TAB2: variants seen among roughly 807,000 people sequenced by gnomAD.
The protein encoded by TAB2 is TGF-beta-activated kinase 1 and MAP3K7-binding protein 2.
In TAB2, 3 loss-of-function variants were observed where a neutral mutation model predicts 65.0. The ratio of observed to expected loss-of-function variants is 0.05; its 90% confidence interval spans 0.02 to 0.12. TAB2 has a LOEUF of 0.12. TAB2 is among the 10% of genes least tolerant of loss of function. The probability of loss-of-function intolerance (pLI) is 1.00; values close to 1 mark genes in which losing one functional copy is unlikely to be tolerated. For missense variants in TAB2, 623 were observed against 840.3 expected (o/e 0.74, Z 3.20); for synonymous variants, 298 against 285.1 (o/e 1.05, Z -0.46).
At chr6:149,247,207 C>CAA (rs1251438628) in intron 1 of TAB2, 1 of 152,410 alleles carries the variant, frequency 6.6e-6, no homozygotes, top group African/African-American at 2.4e-5. Context: ...GCTCCCACCA[C>CAA]ATCCCTGGTG....
chr6:149,250,608 C>T (rs1386187884), intron 1 of TAB2, among the ~76,000 whole-genome samples: 1 of 152,036 alleles, frequency 6.6e-6, no homozygotes, highest in Non-Finnish European at 1.5e-5. Context: ...GCCCAGCCAA[C>T]CAAACTTTTT....
chr6:149,332,467 CAG>C (rs1163670822), intron 1 of TAB2, among the ~76,000 whole-genome samples: 1 of 152,054 alleles, frequency 6.6e-6, no homozygotes, highest in East Asian at 1.9e-4. Context: ...TGAAATGCAA[CAG>C]AAATTTTGTA....
At chr6:149,367,660 T>C (rs1781084099) in intron 1 of TAB2, among the ~76,000 whole-genome samples, 1 of 152,100 alleles carries the variant, frequency 6.6e-6, no homozygotes, top group African/African-American at 2.4e-5. Flanking sequence ...ATTGAGGCCT[T>C]TGCAGTAGTA....
intron 1 of TAB2, among the ~76,000 whole-genome samples, chr6:149,284,857 G>A (rs1366841598): frequency 6.6e-6 from 1 of 152,052 alleles, no homozygotes. Flanking sequence ...CCTGAGATTG[G>A]TTAAGTTGAA....
chr6:149,254,063 A>AAGGAAGGAAGGG (rs1777942996), intron 1 of TAB2, among the ~76,000 whole-genome samples: 1 of 24,840 alleles, frequency 4.0e-5, no homozygotes, highest in African/African-American at 1.2e-4. Context: ...GAGAGGGAGG[A>AAGGAAGGAAGGG]AGGAAGGAAG....
intron 6 of TAB2, among the ~76,000 whole-genome samples, chr6:149,399,427 C>A (rs1782289792): frequency 6.6e-6 from 1 of 152,050 alleles, no homozygotes; most frequent in African/African-American, 2.4e-5. Flanking sequence ...TATGTACTCC[C>A]AACCAATAAT....
intron 1 of TAB2, among the ~76,000 whole-genome samples, chr6:149,278,154 C>T (rs1313889777): frequency 2.6e-5 from 4 of 152,130 alleles, no homozygotes; most frequent in Non-Finnish European, 1.5e-5. Context: ...AATTCTACAG[C>T]TAGGTTACTA....
intron 1 of TAB2, among the ~76,000 whole-genome samples, chr6:149,254,004 A>AAGAAAGAAAG (rs1777931628): frequency 6.7e-6 from 1 of 148,230 alleles, no homozygotes; most frequent in African/African-American, 2.6e-5. Flanking sequence ...GAAAGAAAGA[A>AAGAAAGAAAG]AGAAAGAAAG....
At position 149,378,735 on chromosome 6, in the gene TAB2, A is replaced by G. The variant is rs1583140219; in HGVS notation, c.820A>G (p.Asn274Asp). ...GTCACATACCTCATCTCAACAGCCAAATCAGCAAGGCCACCAGACCTCTCA... is the reference window on the plus strand; with the variant it reads ...GTCACATACCTCATCTCAACAGCCAGATCAGCAAGGCCACCAGACCTCTCA... ...PLSHTSSQQP[N>D]QQGHQTSHVY... The change falls in exon 3 of 7, where the codon AAT becomes GAT. Residue 274 changes from asparagine to aspartate, a missense_variant. Physicochemically the swap from Asn to Asp is conservative, Grantham distance 23 (BLOSUM62 1). Transcript: ENST00000637181. 1.2e-6 allele frequency: 2 copies of G among 1,614,052 alleles called. No homozygotes were observed. The highest frequency in any genetic ancestry group is 2.2e-5 in the East Asian group (1 of 44,884).
At chr6:149,231,547 C>T (rs188762524) in intron 1 of TAB2, among the ~76,000 whole-genome samples, 3 of 152,270 alleles carry the variant, frequency 2.0e-5, no homozygotes, top group African/African-American at 4.8e-5. Flanking sequence ...AAGTTGAACA[C>T]GCTTTAAATG....
chr6:149,367,939 G>C (rs1225956556), intron 1 of TAB2, among the ~76,000 whole-genome samples: 1 of 152,108 alleles, frequency 6.6e-6, no homozygotes, highest in African/African-American at 2.4e-5. Flanking sequence ...ATGTCAGTTA[G>C]CCAGTTGGAT....
At chr6:149,303,528 T>C (rs914774187) in intron 1 of TAB2, among the ~76,000 whole-genome samples, 1 of 152,226 alleles carries the variant, frequency 6.6e-6, no homozygotes, top group African/African-American at 2.4e-5. Flanking sequence ...TACATAAATC[T>C]ATGTATGTTT....
chr6:149,312,095 G>A (rs1023887833), intron 1 of TAB2, among the ~76,000 whole-genome samples: 2 of 152,218 alleles, frequency 1.3e-5, no homozygotes, highest in Non-Finnish European at 2.9e-5. Context: ...GGGTAACTGA[G>A]TAGGTGAACA....
At chr6:149,253,966 G>GAA (rs1445042926) in intron 1 of TAB2, among the ~76,000 whole-genome samples, 4,732 of 73,806 alleles carry the variant, frequency 0.064, 69 homozygotes, top group Middle Eastern at 0.082. Context: ...GAAAAAGAAA[G>GAA]AAAGAAAGAA....
chr6:149,290,928 T>A (rs1778765253), intron 1 of TAB2, among the ~76,000 whole-genome samples: 1 of 152,238 alleles, frequency 6.6e-6, no homozygotes, highest in Non-Finnish European at 1.5e-5. Flanking sequence ...AATGAATTAT[T>A]TCAGTTTCTT....
intron 1 of TAB2, among the ~76,000 whole-genome samples, chr6:149,254,014 G>GAAAGAA (rs1562389423): frequency 2.2e-5 from 3 of 135,642 alleles, no homozygotes; most frequent in African/African-American, 8.2e-5. Context: ...AAGAAAGAAA[G>GAAAGAA]AAAGAAAGAA....
intron 1 of TAB2, among the ~76,000 whole-genome samples, chr6:149,326,671 C>T (rs566313474): frequency 2.0e-5 from 3 of 152,130 alleles, no homozygotes; most frequent in African/African-American, 7.2e-5. Flanking sequence ...CCTCAGCGTC[C>T]TGAGTAGCTG....
chr6:149,237,941 A>C (rs75101685), intron 1 of TAB2, among the ~76,000 whole-genome samples: 1 of 152,070 alleles, frequency 6.6e-6, no homozygotes, highest in Non-Finnish European at 1.5e-5. Context: ...GAAGCTTTCT[A>C]CCTGCTCCCC....
intron 1 of TAB2, among the ~76,000 whole-genome samples, chr6:149,254,948 A>C (rs550724868): frequency 6.6e-6 from 1 of 152,336 alleles, no homozygotes; most frequent in Non-Finnish European, 1.5e-5. Flanking sequence ...TTTGGACTTT[A>C]GACCTTAAAG....
Sources: gnomAD v4.1 joint callset for allele counts (sites outside exome capture counted in the v4.1 genomes callset) on GRCh38, gnomAD v4.1.1 for gene constraint, MANE v1.5 for transcripts, NCBI Gene and HGNC (gene_info 2026-07-23, HGNC 2026-07-21) for gene names.